TRPC6: variants seen among roughly 807,000 people sequenced by gnomAD.
The protein encoded by TRPC6 is transient receptor potential cation channel subfamily C member 6, also known as short transient receptor potential channel 6.
A neutral mutation model predicts 90.7 loss-of-function variants in TRPC6; 55 were observed. The ratio of observed to expected loss-of-function variants is 0.61; its 90% confidence interval spans 0.49 to 0.76. The LOEUF (loss-of-function observed/expected upper bound fraction) is 0.76, where lower values mean the gene tolerates loss of function less well. TRPC6 is among the 30% of genes least tolerant of loss of function. The pLI, the probability that TRPC6 is intolerant of heterozygous loss-of-function variation, is 0.00. For synonymous variants in TRPC6, 393 were observed against 393.0 expected (o/e 1.00, Z 0.00); for missense variants, 989 against 1,122.7 (o/e 0.88, Z 1.70).
rs1290609491 is a variant in TRPC6, at chr11:101,583,619, G to T, written c.-116C>A. On this transcript the variant is annotated 5_prime_UTR_variant, in exon 1 of 13. Transcript: ENST00000344327. ...CGGCCGAACTGGACCTGGGCAGACC[G>T]GTGCCCAGGGGACGACGGTGAAGCA... is the stretch of plus-strand genomic sequence containing the variant. The T allele has an allele frequency of 5.2e-6, 6 of 1,150,976 alleles. No individual in the cohort carries two copies. The African/African-American group carries it at 6.5e-5, about 13-fold the overall frequency. 71.3% of individuals were successfully genotyped at this position (1,150,976 alleles called of 1,614,324 possible). A position where few individuals can be genotyped will look rare whatever the true frequency, so the allele number is the denominator to read the frequency against.
chr11:101,512,948 A>G (rs1255394005), intron 1 of TRPC6, among the ~76,000 whole-genome samples: 1 of 151,792 alleles, frequency 6.6e-6, no homozygotes, highest in Non-Finnish European at 1.5e-5. Flanking sequence ...AGACAATCTG[A>G]AAAAACTTAA....
chr11:101,535,431 G>T, intron 1 of TRPC6, among the ~76,000 whole-genome samples: 1 of 150,308 alleles, frequency 6.7e-6, no homozygotes, highest in East Asian at 2.0e-4. Context: ...GTTACTGAAA[G>T]TACTCATAAA....
chr11:101,557,248 G>A lies in TRPC6; in HGVS notation c.170+26086C>T, dbSNP rs538163073. On this transcript the variant is annotated intron_variant, in intron 1 of 12. Coordinates refer to ENST00000344327, the MANE Select transcript of TRPC6 (RefSeq NM_004621.6). ...CACATGCCTGTAATCCCAGCTACCC[G>A]GGTGGCTAAGAAATGAGAATTGCTT... Among the ~76,000 whole-genome samples, 124 of 152,186 alleles carry A rather than the reference G, an allele frequency of 8.1e-4. 1 individual carries two copies. Among genetic ancestry groups the A allele is most frequent in the African/African-American group, 2.8e-3 (117 of 41,550 alleles).
At chr11:101,550,354 G>A (rs969328372) in intron 1 of TRPC6, among the ~76,000 whole-genome samples, 1 of 151,484 alleles carries the variant, frequency 6.6e-6, no homozygotes, top group African/African-American at 2.4e-5. Flanking sequence ...TATAAGCTAT[G>A]GATGTAAAAT....
chr11:101,474,577 G>A lies in TRPC6; in HGVS notation c.1745-804C>T, dbSNP rs541178376. Among the ~76,000 whole-genome samples the A allele has an allele frequency of 2.4e-3, 359 of 152,154 alleles. 2 individuals are homozygous for A. The highest frequency in any genetic ancestry group is 7.9e-3 in the African/African-American group (326 of 41,528). ...CTTTTTTATAGTGCTTTGAATATAA[G>A]TATTATCTACAAATAGCTTTGAATT... is the stretch of plus-strand genomic sequence containing the variant. On this transcript the variant is annotated intron_variant, in intron 6 of 12. Transcript: ENST00000344327.
intron 1 of TRPC6, among the ~76,000 whole-genome samples, chr11:101,539,042 G>T (rs751153244): frequency 1.3e-5 from 2 of 152,184 alleles, no homozygotes; most frequent in African/African-American, 2.4e-5. Flanking sequence ...CTGCAGAACC[G>T]TGAGAAATAC....
Position 101,482,931 on chromosome 11 carries a change from C to T in TRPC6, c.1510+18G>A. The stretch of plus-strand genomic sequence containing the variant: ...CTAAGACTGCAAACAGAAAACATGA[C>T]AGAAAATCAGTCTTTACCTATTACC... On this transcript the variant is annotated intron_variant, in intron 5 of 12. Transcript: ENST00000344327. 1.2e-6 allele frequency: 2 copies of T among 1,613,010 alleles called. No individual in the cohort carries two copies. The highest frequency in any genetic ancestry group is 1.7e-6 in the Non-Finnish European group (2 of 1,179,238).
intron 2 of TRPC6, among the ~76,000 whole-genome samples, chr11:101,495,185 G>A (rs1350088405): frequency 6.6e-6 from 1 of 152,174 alleles, no homozygotes; most frequent in African/African-American, 2.4e-5. Flanking sequence ...CTCACAGTGG[G>A]CTAATGAAAC....
intron 6 of TRPC6, among the ~76,000 whole-genome samples, 160 bp from the exon 7 acceptor site, chr11:101,473,933 T>G (rs1859354577): frequency 6.6e-6 from 1 of 152,208 alleles, no homozygotes; most frequent in African/African-American, 2.4e-5. Flanking sequence ...AGAGTTGAGC[T>G]TCTTAGTTTA....
chr11:101,575,810 C>G (rs1217624177), intron 1 of TRPC6, among the ~76,000 whole-genome samples: 1 of 152,152 alleles, frequency 6.6e-6, no homozygotes, highest in Non-Finnish European at 1.5e-5. Flanking sequence ...AGTCTTCTAT[C>G]CGTACCCAGG....
chr11:101,475,911 C>CGT (rs1554998063), intron 6 of TRPC6, among the ~76,000 whole-genome samples: 5 of 148,976 alleles, frequency 3.4e-5, no homozygotes, highest in Non-Finnish European at 7.5e-5. Flanking sequence ...TATACACACA[C>CGT]GTGTATATAT....
chr11:101,510,069 ATGT>A (rs1402222947), intron 1 of TRPC6, among the ~76,000 whole-genome samples: 1 of 152,154 alleles, frequency 6.6e-6, no homozygotes, highest in East Asian at 1.9e-4. Flanking sequence ...AGCTGCTTGT[ATGT>A]TGTTGACAGA....
At chr11:101,571,465 A>G (rs1275303951) in intron 1 of TRPC6, among the ~76,000 whole-genome samples, 1 of 152,238 alleles carries the variant, frequency 6.6e-6, no homozygotes, top group Non-Finnish European at 1.5e-5. Context: ...CATAGATTCA[A>G]TGCTATCCCC....
chr11:101,572,674 A>C (rs1210591775), intron 1 of TRPC6, among the ~76,000 whole-genome samples: 1 of 152,248 alleles, frequency 6.6e-6, no homozygotes, highest in East Asian at 1.9e-4. Context: ...AATACTATGC[A>C]GCCATAAAAA....
chr11:101,575,149 G>A (rs981424259), intron 1 of TRPC6, among the ~76,000 whole-genome samples: 1 of 152,136 alleles, frequency 6.6e-6, no homozygotes, highest in Admixed American at 6.5e-5. Flanking sequence ...TGTCATGTGA[G>A]TCAATGTCTC....
At chr11:101,475,367 GATTAA>G (rs1469793347) in intron 6 of TRPC6, among the ~76,000 whole-genome samples, 7 of 152,068 alleles carry the variant, frequency 4.6e-5, no homozygotes, top group African/African-American at 1.4e-4. Flanking sequence ...ACTGTGCAAA[GATTAA>G]ATTAAGCTAA....
chr11:101,540,458 G>A (rs1197396366), intron 1 of TRPC6, among the ~76,000 whole-genome samples: 1 of 152,158 alleles, frequency 6.6e-6, no homozygotes, highest in Non-Finnish European at 1.5e-5. Context: ...TTTATCCTTT[G>A]CATTTCCTGG....
At chr11:101,480,220 T>G (rs1012620677) in intron 5 of TRPC6, among the ~76,000 whole-genome samples, 7 of 152,132 alleles carry the variant, frequency 4.6e-5, no homozygotes, top group Admixed American at 2.6e-4. Context: ...AAGACTAGTA[T>G]GAGGAGAATA....
At position 101,483,270 on chromosome 11, in the gene TRPC6, CCT is replaced by C. The variant is rs1023090786; in HGVS notation, c.1294-107_1294-106del. On this transcript the variant is annotated intron_variant, in intron 4 of 12. Transcript: ENST00000344327. ...AAACATCTGCACATTCCAATGATCTCCTGAGATAATTGTTTATATTTATGTAA... is the reference window on the plus strand; with the variant it reads ...AAACATCTGCACATTCCAATGATCTCGAGATAATTGTTTATATTTATGTAA... The C allele has an allele frequency of 3.3e-6, 4 of 1,217,430 alleles. No individual in the cohort carries two copies. In the African/African-American group the frequency reaches 4.5e-5, roughly 14 times the overall value. 75.4% of individuals were successfully genotyped at this position (1,217,430 alleles called of 1,614,324 possible).
Sources: allele counts gnomAD v4.1 joint callset (sites outside exome capture counted in the v4.1 genomes callset), GRCh38; gene constraint gnomAD v4.1.1; transcripts MANE v1.5; gene names NCBI Gene and HGNC (gene_info 2026-07-23, HGNC 2026-07-21).